GLYATL3: variants seen among roughly 807,000 people sequenced by gnomAD.
GLYATL3 encodes the protein glycine-N-acyltransferase like 3.
A neutral mutation model predicts 28.5 loss-of-function variants in GLYATL3; 31 were observed. That is an observed-to-expected ratio of 1.09 (90% CI 0.82 to 1.47). The LOEUF is 1.47. Among genes scored for constraint, GLYATL3 ranks in the 40% most tolerant of loss-of-function variants. The pLI is 0.00. For missense variants in GLYATL3, 369 were observed against 351.5 expected, an observed-to-expected ratio of 1.05 and a Z score of -0.40; for synonymous variants, 141 against 140.2, an observed-to-expected ratio of 1.01 and a Z score of -0.04.
At position 49,521,568 on chromosome 6, in the gene GLYATL3, A is replaced by C. The variant is rs1426247592; in HGVS notation, c.314-77A>C. ...GCTAGTATTGATGATTCTCAGTATAAAATTACTGCAACAAATTTCCTTTTT... is the reference window on the plus strand; with the variant it reads ...GCTAGTATTGATGATTCTCAGTATACAATTACTGCAACAAATTTCCTTTTT... On this transcript the variant is annotated intron_variant, in intron 4 of 5. Transcript: ENST00000371197. 3 of 1,306,614 alleles carry C rather than the reference A, an allele frequency of 2.3e-6. No individual in the cohort carries two copies. The East Asian group carries it at 7.6e-5, about 33-fold the overall frequency. 80.9% of individuals were successfully genotyped at this position (1,306,614 alleles called of 1,614,324 possible).
chr6:49,524,193 C>CTGAAGCTTCTTTGCCCT (rs6149574), intron 5 of GLYATL3, among the ~76,000 whole-genome samples: 148,555 of 152,248 alleles, frequency 0.98, 72,595 homozygotes, highest in East Asian at 1. Context: ...ATATTTCTGC[C>CTGAAGCTTCTTTGCCCT]TGCTTTAAAG....
chr6:49,506,563 G>A (rs1769014538), intron 1 of GLYATL3, among the ~76,000 whole-genome samples: 1 of 152,092 alleles, frequency 6.6e-6, no homozygotes, highest in Non-Finnish European at 1.5e-5. Flanking sequence ...CCATTCCTTA[G>A]CAATCATGGA....
rs535884727 is a variant in GLYATL3 at position 49,515,719 on chromosome 6, T to A, written c.145T>A (p.Trp49Arg). Residue 49 changes from tryptophan (W) to arginine (R), a missense_variant, in exon 3 of 6, where the codon TGG (tryptophan) becomes AGG (arginine). Physicochemically the swap from Trp to Arg is moderately radical, Grantham distance 101. Transcript: ENST00000371197. Reference sequence around the variant, plus strand: ...TCAAAAGGAAGTGGTGTTGGATTCATGGCCGGATTTCAAAGCTGTTATCAC... The same window carrying A: ...TCAAAAGGAAGTGGTGTTGGATTCAAGGCCGGATTTCAAAGCTGTTATCAC... ...PFQKEVVLDS[W>R]PDFKAVITRR... 6.4e-7 allele frequency: 1 copy of A among 1,551,328 alleles called. No homozygotes were observed. The highest frequency in any genetic ancestry group is 1.2e-5 in the South Asian group (1 of 84,038).
intron 2 of GLYATL3, among the ~76,000 whole-genome samples, chr6:49,512,497 A>G (rs1220192714): frequency 6.6e-6 from 1 of 151,218 alleles, no homozygotes; most frequent in Non-Finnish European, 1.5e-5. Flanking sequence ...CACCTGGATG[A>G]CTCCTAAGGA....
At chr6:49,518,406 A>T (rs1769254183) in intron 4 of GLYATL3, among the ~76,000 whole-genome samples, 1 of 152,224 alleles carries the variant, frequency 6.6e-6, no homozygotes, top group South Asian at 2.1e-4. Flanking sequence ...CCAGCTTTTC[A>T]TAATGATTAG....
At chr6:49,523,715 TGTC>T (rs1435641557) in intron 5 of GLYATL3, among the ~76,000 whole-genome samples, 1 of 152,262 alleles carries the variant, frequency 6.6e-6, no homozygotes, top group Non-Finnish European at 1.5e-5. Context: ...TTTCCGATAT[TGTC>T]GTAATATTTT....
At chr6:49,514,139 A>G (rs895029692) in intron 2 of GLYATL3, among the ~76,000 whole-genome samples, 1 of 152,148 alleles carries the variant, frequency 6.6e-6, no homozygotes, top group Non-Finnish European at 1.5e-5. Flanking sequence ...AAAGAAAATT[A>G]CTTTTGACGT....
At chr6:49,506,584 A>G (rs1436307684) in intron 1 of GLYATL3, among the ~76,000 whole-genome samples, 2 of 152,180 alleles carry the variant, frequency 1.3e-5, no homozygotes, top group Non-Finnish European at 2.9e-5. Flanking sequence ...GGGGGAGGGC[A>G]TACCAGATTG....
chr6:49,526,588 A>G lies in GLYATL3; in HGVS notation c.541A>G (p.Ile181Val), dbSNP rs907901726. 2.6e-6 allele frequency: 4 copies of G among 1,551,958 alleles called. No homozygotes were observed. Among genetic ancestry groups the G allele is most frequent in the Non-Finnish European group, 2.6e-6 (3 of 1,147,040 alleles). Residue 181 changes from isoleucine to valine, a missense_variant, in exon 6 of 6, where the codon ATC becomes GTC. Transcript: ENST00000371197. ...RGGNEQCLRY[I>V]ANLISCFPSV... ...AGGCAATGAACAATGTCTCCGGTAC[A>G]TCGCCAACCTCATCTCCTGCTTCCC... is the stretch of plus-strand genomic sequence containing the variant.
intron 1 of GLYATL3, among the ~76,000 whole-genome samples, chr6:49,508,529 A>G (rs979572411): frequency 1.3e-5 from 2 of 152,214 alleles, no homozygotes; most frequent in African/African-American, 4.8e-5. Context: ...AGGGCATTAC[A>G]GCCCTATCTT....
At chr6:49,510,680 T>G (rs1222605665) in intron 1 of GLYATL3, among the ~76,000 whole-genome samples, 4 of 152,238 alleles carry the variant, frequency 2.6e-5, no homozygotes, top group Non-Finnish European at 5.9e-5. Flanking sequence ...TGTACTTCTT[T>G]CTTTGCCATC....
chr6:49,516,757 G>GCACTT (rs1341800669), intron 3 of GLYATL3, among the ~76,000 whole-genome samples: 1 of 151,948 alleles, frequency 6.6e-6, no homozygotes, highest in Non-Finnish European at 1.5e-5. Context: ...TTTCACCACT[G>GCACTT]CACTCCAGCC....
chr6:49,517,647 AAT>A, intron 4 of GLYATL3, 91 bp downstream of exon 4: 1 of 904,996 alleles, frequency 1.1e-6, no homozygotes, highest in South Asian at 2.2e-5. Context: ...TATATATGAA[AAT>A]ATATAGATTA....
chr6:49,509,114 G>T (rs1769068718), intron 1 of GLYATL3, among the ~76,000 whole-genome samples: 1 of 152,124 alleles, frequency 6.6e-6, no homozygotes, highest in African/African-American at 2.4e-5. Flanking sequence ...ACTGAATCAT[G>T]AAACTAATCA....
At chr6:49,523,100 C>T (rs1025233946) in intron 5 of GLYATL3, among the ~76,000 whole-genome samples, 1 of 151,996 alleles carries the variant, frequency 6.6e-6, no homozygotes, top group African/African-American at 2.4e-5. Context: ...AATATACTCA[C>T]GGCTATGATT....
At chr6:49,501,877 G>A (rs963242494) in intron 1 of GLYATL3, among the ~76,000 whole-genome samples, 16 of 152,108 alleles carry the variant, frequency 1.1e-4, no homozygotes, top group African/African-American at 2.9e-4. Context: ...CACAAGGGTC[G>A]CATTCCATTC....
chr6:49,514,521 T>A (rs1462952848), intron 2 of GLYATL3, among the ~76,000 whole-genome samples: 3 of 152,308 alleles, frequency 2.0e-5, no homozygotes, highest in African/African-American at 7.2e-5. Context: ...TGTAGGACAG[T>A]CATCTTTCTT....
At chr6:49,506,949 G>T (rs1769021710) in intron 1 of GLYATL3, among the ~76,000 whole-genome samples, 1 of 152,090 alleles carries the variant, frequency 6.6e-6, no homozygotes, top group Non-Finnish European at 1.5e-5. Flanking sequence ...TAGAATAGGG[G>T]AGAGGTCCAA....
At chr6:49,514,978 TATA>T (rs1449399635) in intron 2 of GLYATL3, among the ~76,000 whole-genome samples, 8 of 152,062 alleles carry the variant, frequency 5.3e-5, no homozygotes, top group African/African-American at 1.9e-4. Flanking sequence ...CAGAAAGAAT[TATA>T]ATATTATTCC....
Sources: allele counts gnomAD v4.1 joint callset (sites outside exome capture counted in the v4.1 genomes callset), GRCh38; gene constraint gnomAD v4.1.1; transcripts MANE v1.5; gene names NCBI Gene and HGNC (gene_info 2026-07-23, HGNC 2026-07-21).